The following DIPK1C variants were observed in gnomAD, a reference collection of about 807,000 sequenced individuals.
DIPK1C encodes the protein divergent protein kinase domain 1C.
DIPK1C carries 33 observed loss-of-function variants against 28.0 expected under a neutral mutation model. The ratio of observed to expected loss-of-function variants is 1.18; its 90% CI spans 0.89 to 1.58. DIPK1C has a LOEUF of 1.58. Ranked by LOEUF, DIPK1C falls within the 40% of genes most tolerant of loss-of-function variation. The pLI is 0.00. For synonymous variants in DIPK1C, 255 were observed against 248.8 expected (o/e 1.02, Z -0.23); for missense variants, 569 against 568.5 (o/e 1.00, Z -0.01).
intron 1 of DIPK1C, among the ~76,000 whole-genome samples, chr18:74,448,295 G>A (rs1986319731): frequency 6.6e-6 from 1 of 151,814 alleles, no homozygotes; most frequent in Non-Finnish European, 1.5e-5. Flanking sequence ...CTTCCTCCAT[G>A]TCAGCAAATA....
At position 74,447,862 on chromosome 18, in the gene DIPK1C, G is replaced by A. The variant is rs928180800; in HGVS notation, c.199-579C>T. 6.6e-6 allele frequency among the ~76,000 whole-genome samples: 1 copy of A among 152,244 alleles called. No homozygotes were observed. The highest frequency in any genetic ancestry group is 1.5e-5 in the Non-Finnish European group (1 of 68,056). ...GGCTGCAGGTTTGCAGATGTTTAGA[G>A]GAGAAGCCTCTAGAGGACACATGAG... On this transcript the variant is annotated intron_variant, in intron 1 of 3. Transcript: ENST00000343998. The surrounding 1 kb of genome is among the most constrained non-coding windows in gnomAD (Gnocchi z 4.1).
intron 2 of DIPK1C, among the ~76,000 whole-genome samples, chr18:74,444,182 GAATT>G (rs1986209353): frequency 6.6e-6 from 1 of 152,278 alleles, no homozygotes; most frequent in Admixed American, 6.5e-5. Context: ...AGATGAATGA[GAATT>G]ATTTCATTCT....
chr18:74,442,083 CA>C lies in DIPK1C; in HGVS notation c.909del (p.Phe303LeufsTer5). 6.2e-7 allele frequency: 1 copy of C among 1,612,880 alleles called. No individual in the cohort carries two copies. Among genetic ancestry groups the C allele is most frequent in the Non-Finnish European group, 8.5e-7 (1 of 1,179,712 alleles). On this transcript the variant is annotated frameshift_variant, in exon 3 of 4. Transcript: ENST00000343998. LOFTEE classifies it high-confidence loss of function. Reference protein sequence around the residue: ...VVAIDVDMAFFEPKMREILEQ... With the variant: ...VVAIDVDMAFXEPKMREILEQ... ...TCAAGGATTTCCCTCATTTTAGGTT[CA>C]AAAAAGGCCATGTCCACATCAATAG...
At chr18:74,450,576 C>T (rs1045933250) in intron 1 of DIPK1C, among the ~76,000 whole-genome samples, 2 of 152,358 alleles carry the variant, frequency 1.3e-5, no homozygotes, top group Middle Eastern at 3.4e-3. Flanking sequence ...AGGGTGCCTA[C>T]TGTGACTGCC....
At chr18:74,445,440 G>A (rs1027856799) in intron 2 of DIPK1C, among the ~76,000 whole-genome samples, 1 of 152,228 alleles carries the variant, frequency 6.6e-6, no homozygotes, top group Non-Finnish European at 1.5e-5. Context: ...AAAGCACTGA[G>A]GGTAAGATGT....
chr18:74,443,815 G>T (rs886792350), intron 2 of DIPK1C, among the ~76,000 whole-genome samples: 2 of 151,776 alleles, frequency 1.3e-5, no homozygotes, highest in Admixed American at 6.6e-5. Flanking sequence ...TTCATTACTG[G>T]GGCTACACGA....
chr18:74,452,145 C>G (rs1964234412), intron 1 of DIPK1C, among the ~76,000 whole-genome samples: 1 of 152,168 alleles, frequency 6.6e-6, no homozygotes, highest in Non-Finnish European at 1.5e-5. Flanking sequence ...ATGCATCTCA[C>G]TTTCACCCTG....
At chr18:74,461,808 G>A (rs1375218090), upstream of DIPK1C, among the ~76,000 whole-genome samples, 2 of 152,168 alleles carry the variant, frequency 1.3e-5, no homozygotes, top group Admixed American at 6.5e-5. Context: ...CCAGCCTGGA[G>A]TGCAGTGACA....
rs371031842 is a variant in DIPK1C, at chr18:74,436,512, C to G, written c.1249G>C (p.Ala417Pro). The G allele has an allele frequency of 1.9e-6, 3 of 1,602,934 alleles. No individual in the cohort carries two copies. In the Admixed American group the frequency reaches 5.1e-5, roughly 27 times the overall value. Residue 417 changes from alanine to proline, a missense_variant, in exon 4 of 4, where the codon GCA becomes CCA. By Grantham distance (27) the Ala-to-Pro change is conservative. Transcript: ENST00000343998. ...AGGCCAGAGAGTGGCTACTTCTCTGCCTCCTGCAGCTCCCTCAGTGTGGCT... is the reference window on the plus strand; with the variant it reads ...AGGCCAGAGAGTGGCTACTTCTCTGGCTCCTGCAGCTCCCTCAGTGTGGCT... ...LQATLRELQE[A>P]EK
chr18:74,456,979 C>A, intron 1 of DIPK1C, 83 bp downstream of exon 1: 1 of 1,289,650 alleles, frequency 7.8e-7, no homozygotes, highest in Non-Finnish European at 9.9e-7. Context: ...CACCCAAGTC[C>A]CCGGGAAGGC....
At chr18:74,438,054 G>C (rs1986037816) in intron 3 of DIPK1C, among the ~76,000 whole-genome samples, 1 of 152,142 alleles carries the variant, frequency 6.6e-6, no homozygotes, top group Non-Finnish European at 1.5e-5. Flanking sequence ...ACCATGCCTG[G>C]CTAGTTTTTG....
chr18:74,448,141 G>A (rs1048287790), intron 1 of DIPK1C, among the ~76,000 whole-genome samples: 5 of 152,182 alleles, frequency 3.3e-5, no homozygotes, highest in African/African-American at 1.2e-4. Context: ...CAGAGGCAGG[G>A]AAGGAAGAAG....
At chr18:74,464,120 C>T in the DIPK1C span, among the ~76,000 whole-genome samples, 15 of 152,188 alleles carry the variant, frequency 9.9e-5, no homozygotes, top group Admixed American at 8.5e-4. Flanking sequence ...TGGTGTAAGA[C>T]AGCACTGGCT....
At chr18:74,458,527 A>G (rs1296237031), upstream of DIPK1C, among the ~76,000 whole-genome samples, 1 of 150,530 alleles carries the variant, frequency 6.6e-6, no homozygotes, top group Non-Finnish European at 1.5e-5. Context: ...ATGACCAAAC[A>G]TCAGATGAAC....
chr18:74,436,704 T>C lies in DIPK1C; in HGVS notation c.1057A>G (p.Ile353Val). 1.2e-6 allele frequency: 2 copies of C among 1,612,754 alleles called. No individual in the cohort carries two copies. Among genetic ancestry groups the C allele is most frequent in the Non-Finnish European group, 1.7e-6 (2 of 1,179,426 alleles). ...GGCGCGGAAAACCAATGGCGAAATA[T>C]TTTGTCACAGATGACCTGAGGGAAA... ...NNNLQVICDK[I>V]FRHWFSAPLK... The change falls in exon 4 of 4, where the codon ATA becomes GTA. Residue 353 changes from isoleucine to valine, a missense_variant. Ile to Val is a conservative substitution (Grantham distance 29). Transcript: ENST00000343998.
In DIPK1C at chr18:74,441,010, G is replaced by T. The variant is rs372060697; in HGVS notation, c.1041+942C>A. 4.9e-4 allele frequency among the ~76,000 whole-genome samples: 74 copies of T among 152,254 alleles called. 1 individual carries two copies. Among genetic ancestry groups the T allele is most frequent in the Admixed American group, 3.0e-3 (46 of 15,292 alleles). On this transcript the variant is annotated intron_variant, in intron 3 of 3. Coordinates refer to ENST00000343998, the MANE Select transcript of DIPK1C (RefSeq NM_001044369.3). ...TCGGGGTGTTTGTTTGGCCTGGCTG[G>T]GACCACTAGGTTAACAGCGGACCTG...
chr18:74,442,205 C>T (rs1026006664), intron 2 of DIPK1C, 89 bp from the exon 3 acceptor site: 52 of 1,471,876 alleles, frequency 3.5e-5, no homozygotes, highest in Middle Eastern at 1.8e-4. Context: ...TCACCTCGTG[C>T]GGGTGCCACT....
At chr18:74,444,198 C>T (rs138617387) in intron 2 of DIPK1C, among the ~76,000 whole-genome samples, 1,713 of 152,318 alleles carry the variant, frequency 0.011, 13 homozygotes, top group South Asian at 0.023. Context: ...TTTCATTCTT[C>T]ACCAAAAACT....
intron 1 of DIPK1C, among the ~76,000 whole-genome samples, chr18:74,455,663 G>A (rs1203266078): frequency 6.8e-6 from 1 of 147,896 alleles, no homozygotes; most frequent in Non-Finnish European, 1.5e-5. Context: ...TGGTGGTGGA[G>A]GTTGCGGTGA....
Sources: gnomAD v4.1 joint callset for allele counts (sites outside exome capture counted in the v4.1 genomes callset) on GRCh38, gnomAD v4.1.1 for gene constraint, Gnocchi (gnomAD v3.1) non-coding constraint, MANE v1.5 for transcripts, NCBI Gene and HGNC (gene_info 2026-07-23, HGNC 2026-07-21) for gene names.